Variants in SLC9A9 observed in about 807,000 individuals in gnomAD.
SLC9A9 encodes sodium/hydrogen exchanger 9.
Under a neutral mutation model 77.8 loss-of-function variants are expected in SLC9A9, and 62 were observed. The observed-to-expected ratio is 0.80, with a 90% CI of 0.65 to 0.98. SLC9A9 has a LOEUF of 0.98. Ranked by LOEUF, SLC9A9 falls within the 50% of genes least tolerant of loss-of-function variation. The probability of loss-of-function intolerance (pLI) is 0.00; values close to 1 mark genes in which losing one functional copy is unlikely to be tolerated. For synonymous variants in SLC9A9, 320 were observed against 283.5 expected, an observed-to-expected ratio of 1.13 and a Z score of -1.29; for missense variants, 775 against 774.9, an observed-to-expected ratio of 1.00 and a Z score of 0.00.
chr3:143,764,126 G>GA (rs950651094), intron 4 of SLC9A9, among the ~76,000 whole-genome samples: 38 of 152,064 alleles, frequency 2.5e-4, no homozygotes, highest in Non-Finnish European at 4.4e-5. Context: ...AAAGGGAAAG[G>GA]AAAAACCTCA....
intron 14 of SLC9A9, among the ~76,000 whole-genome samples, chr3:143,354,882 A>G (rs1212813035): frequency 5.9e-5 from 9 of 152,252 alleles, no homozygotes; most frequent in Non-Finnish European, 1.3e-4. Context: ...TGCAATTGAA[A>G]GATTTCCTTT....
intron 4 of SLC9A9, among the ~76,000 whole-genome samples, chr3:143,725,402 C>G (rs373080852): frequency 6.6e-6 from 1 of 151,946 alleles, no homozygotes; most frequent in African/African-American, 2.4e-5. Context: ...ACCCAAAGGA[C>G]TATAAATCAT....
At chr3:143,662,213 T>C (rs1490801570) in intron 5 of SLC9A9, among the ~76,000 whole-genome samples, 1 of 152,234 alleles carries the variant, frequency 6.6e-6, no homozygotes, top group Admixed American at 6.5e-5. Flanking sequence ...CAGCATAAAC[T>C]AGCGCTGTCA....
At chr3:143,388,344 T>G (rs536307499) in intron 12 of SLC9A9, among the ~76,000 whole-genome samples, 62 of 152,310 alleles carry the variant, frequency 4.1e-4, no homozygotes, top group African/African-American at 1.5e-3. Context: ...GTGAAAAAAC[T>G]CAGTTCATTT....
chr3:143,736,278 A>C (rs1428852111), intron 4 of SLC9A9, among the ~76,000 whole-genome samples: 3 of 151,766 alleles, frequency 2.0e-5, no homozygotes, highest in Admixed American at 6.6e-5. Context: ...CCTTCTATCT[A>C]TTTGTTTATT....
chr3:143,821,221 C>G (rs2108881037), intron 2 of SLC9A9, among the ~76,000 whole-genome samples: 2 of 152,346 alleles, frequency 1.3e-5, no homozygotes, highest in East Asian at 3.9e-4. Flanking sequence ...TCACACGCTC[C>G]TCAGACTTCT....
At chr3:143,844,707 CTTTCTCTTTCTTTCTT>C (rs2009784415) in intron 1 of SLC9A9, among the ~76,000 whole-genome samples, 1 of 150,526 alleles carries the variant, frequency 6.6e-6, no homozygotes, top group African/African-American at 2.4e-5. Context: ...GTTTAACTTT[CTTTCTCTTTCTTTCTT>C]TCTTTCTTTC....
intron 4 of SLC9A9, among the ~76,000 whole-genome samples, chr3:143,717,038 T>C (rs1450169003): frequency 6.6e-6 from 1 of 151,972 alleles, no homozygotes; most frequent in African/African-American, 2.4e-5. Context: ...GCTCCTAGAG[T>C]TTAAAAAGAC....
At chr3:143,737,231 T>G (rs189686633) in intron 4 of SLC9A9, among the ~76,000 whole-genome samples, 2 of 152,314 alleles carry the variant, frequency 1.3e-5, no homozygotes, top group African/African-American at 4.8e-5. Flanking sequence ...GAATTTTCTC[T>G]TTTGGCTCAC....
intron 6 of SLC9A9, among the ~76,000 whole-genome samples, chr3:143,595,082 T>C (rs2037731025): frequency 6.6e-6 from 1 of 152,112 alleles, no homozygotes; most frequent in African/African-American, 2.4e-5. Flanking sequence ...CACTAAGAAA[T>C]GGAACCTGGA....
chr3:143,520,886 G>A (rs951037916), intron 9 of SLC9A9, among the ~76,000 whole-genome samples: 4 of 152,080 alleles, frequency 2.6e-5, no homozygotes, highest in African/African-American at 2.4e-5. Flanking sequence ...CCTCTCCTAC[G>A]AAACACCTGC....
At chr3:143,558,400 C>A (rs1481383712) in intron 8 of SLC9A9, among the ~76,000 whole-genome samples, 1 of 152,152 alleles carries the variant, frequency 6.6e-6, no homozygotes, top group Non-Finnish European at 1.5e-5. Context: ...TTGCACCGTG[C>A]ACCTGGAAAA....
chr3:143,461,845 C>T (rs959740634), intron 12 of SLC9A9, among the ~76,000 whole-genome samples: 6 of 152,120 alleles, frequency 3.9e-5, no homozygotes, highest in African/African-American at 7.2e-5. Flanking sequence ...ATTAACATTT[C>T]CTCACCTCAG....
chr3:143,445,082 C>T (rs571454846), intron 12 of SLC9A9, among the ~76,000 whole-genome samples: 23 of 152,308 alleles, frequency 1.5e-4, no homozygotes, highest in African/African-American at 5.3e-4. Context: ...AAGCCACCTC[C>T]ACAGAGGCTC....
intron 2 of SLC9A9, among the ~76,000 whole-genome samples, chr3:143,820,945 C>T (rs1051900345): frequency 2.7e-5 from 4 of 148,810 alleles, no homozygotes; most frequent in Non-Finnish European, 5.9e-5. Flanking sequence ...CTTTTTCAGA[C>T]CTTAGCTTTG....
intron 12 of SLC9A9, among the ~76,000 whole-genome samples, chr3:143,448,266 A>T (rs1437063646): frequency 2.6e-5 from 4 of 152,154 alleles, no homozygotes; most frequent in Non-Finnish European, 5.9e-5. Context: ...GGCTCCAAGA[A>T]AAGAATGTGA....
chr3:143,267,019 T>C, intron 15 of SLC9A9, 90 bp from the exon 16 acceptor site: 1 of 1,190,440 alleles, frequency 8.4e-7, no homozygotes, highest in African/African-American at 1.5e-5. Context: ...TTAAACAGAA[T>C]GCATGTTTTC....
intron 2 of SLC9A9, chr3:143,811,709 A>G (rs1164297631): frequency 6.6e-6 from 3 of 455,042 alleles, no homozygotes; most frequent in Non-Finnish European, 1.3e-5. Context: ...AAAAAACAAA[A>G]AAATTAGCCA....
intron 14 of SLC9A9, among the ~76,000 whole-genome samples, chr3:143,343,160 G>C (rs2108465980): frequency 6.6e-6 from 1 of 152,266 alleles, no homozygotes; most frequent in East Asian, 1.9e-4. Context: ...TGTGCTAGAT[G>C]GTTTGACTCT....
Sources: gnomAD v4.1 joint callset for allele counts (sites outside exome capture counted in the v4.1 genomes callset) on GRCh38, gnomAD v4.1.1 for gene constraint, MANE v1.5 for transcripts, NCBI Gene and HGNC (gene_info 2026-07-23, HGNC 2026-07-21) for gene names.